The following PAF1 variants were observed in gnomAD, a reference collection of about 807,000 sequenced individuals.
The protein encoded by PAF1 is PAF1 component of Paf1/RNA polymerase II complex, also known as RNA polymerase II-associated factor 1 homolog.
Under a neutral mutation model 68.4 loss-of-function variants are expected in PAF1, and 31 were observed. The ratio of observed to expected loss-of-function variants is 0.45; its 90% CI spans 0.34 to 0.61. PAF1 has a LOEUF of 0.61. PAF1 is among the 20% of genes least tolerant of loss of function. The probability of loss-of-function intolerance (pLI) is 0.01; values close to 1 mark genes in which losing one functional copy is unlikely to be tolerated. For synonymous variants in PAF1, 256 were observed against 240.5 expected (o/e 1.06, Z -0.60); for missense variants, 435 against 692.9 (o/e 0.63, Z 4.18).
In PAF1 at chr19:39,386,045, ATCC is replaced by A. The variant is rs1405220108; in HGVS notation, c.1539_1541del (p.Glu513del). ...AATCAGAAGCTGCAGCTTCACTGCC[ATCC>A]TCCTGGGCCGAGTGCTCGCTGCCAC... On this transcript the variant is annotated inframe_deletion, in exon 14 of 14. Coordinates refer to ENST00000221265, the MANE Select transcript of PAF1 (RefSeq NM_019088.4). This position sits in a 1 kb window ranked among gnomAD's most constrained non-coding sequence, Gnocchi z 6.1. 5 of 1,613,854 alleles carry A rather than the reference ATCC, an allele frequency of 3.1e-6. No individual in the cohort carries two copies. The Admixed American group carries it at 5.0e-5, about 16-fold the overall frequency.
At position 39,389,202 on chromosome 19, in the gene PAF1, G is replaced by C. The variant is rs778114371; in HGVS notation, c.462-4C>G. Reference sequence around the variant, plus strand: ...CTGCTTCACAGAAACCCCAATCCTAGGAATGAAGAAAAAGGTCCTTAGGGG... The same window carrying C: ...CTGCTTCACAGAAACCCCAATCCTACGAATGAAGAAAAAGGTCCTTAGGGG... On this transcript the variant is annotated splice_polypyrimidine_tract_variant and splice_region_variant and intron_variant, in intron 6 of 13. Coordinates refer to ENST00000221265, the MANE Select transcript of PAF1 (RefSeq NM_019088.4). The surrounding 1 kb of genome is among the most constrained non-coding windows in gnomAD (Gnocchi z 5.3). The C allele has an allele frequency of 3.7e-6, 6 of 1,613,632 alleles. No individual in the cohort carries two copies. Among genetic ancestry groups the C allele is most frequent in the Non-Finnish European group, 4.2e-6 (5 of 1,179,622 alleles).
rs1248440849 is a variant in PAF1 at position 39,389,071 on chromosome 19, C to A, written c.567+22G>T. On this transcript the variant is annotated intron_variant, in intron 7 of 13. Transcript: ENST00000221265. This position sits in a 1 kb window ranked among gnomAD's most constrained non-coding sequence, Gnocchi z 5.3. ...CTCTGCAGCCGCACCCTTGCCTCTCCCCATCCCAGTCCCTCAATTACTGAT... is the reference window on the plus strand; with the variant it reads ...CTCTGCAGCCGCACCCTTGCCTCTCACCATCCCAGTCCCTCAATTACTGAT... The A allele has an allele frequency of 1.2e-6, 2 of 1,612,048 alleles. No homozygotes were observed. The highest frequency in any genetic ancestry group is 2.7e-5 in the African/African-American group (2 of 74,856).
At chr19:39,390,233 C>T (rs753372776) in intron 2 of PAF1, 27 bp downstream of exon 2, 2 of 1,613,844 alleles carry the variant, frequency 1.2e-6, no homozygotes, top group Admixed American at 3.3e-5. Flanking sequence ...TGCCCCACCG[C>T]TCCTGGGAAA....
chr19:39,390,404 G>T, intron 1 of PAF1, 115 bp from the exon 2 acceptor site: 1 of 986,504 alleles, frequency 1.0e-6, no homozygotes, highest in Non-Finnish European at 1.6e-6. Flanking sequence ...TGGTTTCTTT[G>T]GGTGGTGGTG....
Position 39,388,911 on chromosome 19 carries a change from A to G in PAF1, c.636+36T>C, listed in dbSNP as rs898883027. The G allele has an allele frequency of 1.9e-6, 3 of 1,609,098 alleles. No individual in the cohort carries two copies. In the African/African-American group the frequency reaches 4.0e-5, roughly 22 times the overall value. ...GGGTTAGATGGGAACAGGCACAAAT[A>G]GGCTGTCCCTTTCTACCTCCCACCT... On this transcript the variant is annotated intron_variant, in intron 8 of 13. Transcript: ENST00000221265.
At chr19:39,390,004 G>A (rs1353707818) in intron 3 of PAF1, 65 bp downstream of exon 3, 21 of 1,335,898 alleles carry the variant, frequency 1.6e-5, no homozygotes, top group East Asian at 2.3e-5. Context: ...AGCAGCCAAC[G>A]AGACAAGCAG....
At chr19:39,390,315 T>G in intron 1 of PAF1, 26 bp from the exon 2 acceptor site, 2 of 1,601,684 alleles carry the variant, frequency 1.2e-6, no homozygotes, top group Non-Finnish European at 1.7e-6. Context: ...GAAACAGTGA[T>G]AGGTGGAGAG....
Position 39,386,683 on chromosome 19 carries a change from G to T in PAF1, c.1092+11C>A. ...CTGCCATGGGTGCCCTGAGCCAGTG[G>T]TGCTTGTTACCTGAGCTTCCAGTTC... On this transcript the variant is annotated intron_variant, in intron 12 of 13. Transcript: ENST00000221265. This position sits in a 1 kb window ranked among gnomAD's most constrained non-coding sequence, Gnocchi z 6.1. The T allele has an allele frequency of 6.2e-7, 1 of 1,609,318 alleles. No homozygotes were observed. Among genetic ancestry groups the T allele is most frequent in the Non-Finnish European group, 8.5e-7 (1 of 1,175,620 alleles).
chr19:39,389,734 C>T lies in PAF1; in HGVS notation c.198G>A (p.Leu66=). The change falls in exon 4 of 14, where the codon TTG becomes TTA. Residue 66 remains leucine, a synonymous_variant. Transcript: ENST00000221265. The surrounding 1 kb of genome is among the most constrained non-coding windows in gnomAD (Gnocchi z 5.3). ...NRFVQYKATS[L]EKQHKHDLLT... ...GGAGGTCATGTTTGTGCTGTTTCTC[C>T]AAGGAAGTGGCTTTGTACTGGACGA... The T allele has an allele frequency of 6.2e-7, 1 of 1,614,140 alleles. No homozygotes were observed. The highest frequency in any genetic ancestry group is 8.5e-7 in the Non-Finnish European group (1 of 1,180,000).
chr19:39,385,992 C>T lies in PAF1; in HGVS notation c.1595G>A (p.Ter532=). ...DSSEADSDSD[*] ...AACCAGCCCTGAATGCCCTGGGACT[C>T]AGTCACTGTCACTATCAGCTTCACT... The change falls in exon 14 of 14, where the codon TGA becomes TAA. Residue 532 remains the stop codon, a stop_retained_variant. Coordinates refer to ENST00000221265, the MANE Select transcript of PAF1 (RefSeq NM_019088.4). 2 of 1,613,436 alleles carry T rather than the reference C, an allele frequency of 1.2e-6. No homozygotes were observed.
Position 39,389,802 on chromosome 19 carries a change from T to G in PAF1, c.171-41A>C. On this transcript the variant is annotated intron_variant, in intron 3 of 13. Transcript: ENST00000221265. This position sits in a 1 kb window ranked among gnomAD's most constrained non-coding sequence, Gnocchi z 5.3. ...CCTATTGTGGTGTTTGGATTCCAGC[T>G]TCACCCCTCACAGCCCTGCTTCCCA... is the stretch of plus-strand genomic sequence containing the variant. The G allele has an allele frequency of 6.2e-7, 1 of 1,613,082 alleles. No individual in the cohort carries two copies. Among genetic ancestry groups the G allele is most frequent in the Non-Finnish European group, 8.5e-7 (1 of 1,179,782 alleles).
Position 39,388,627 on chromosome 19 carries a change from C to T in PAF1, c.790G>A (p.Val264Ile). Residue 264 changes from valine to isoleucine, a missense_variant, in exon 10 of 14, where the codon GTA (valine) becomes ATA (isoleucine). By Grantham distance (29) the Val-to-Ile change is conservative. Coordinates refer to ENST00000221265, the MANE Select transcript of PAF1 (RefSeq NM_019088.4). ...GNQFVAYFLP[V>I]EETLKKRKRD... ...TTTCGTTTCTTCAACGTCTCTTCTA[C>T]AGGCAGGAAATAGGCCACAAACTGG... is the stretch of plus-strand genomic sequence containing the variant. 1.2e-6 allele frequency: 2 copies of T among 1,614,170 alleles called. No individual in the cohort carries two copies. Among genetic ancestry groups the T allele is most frequent in the Non-Finnish European group, 1.7e-6 (2 of 1,180,034 alleles).
chr19:39,386,880 G>T lies in PAF1; in HGVS notation c.987-81C>A. 1.1e-6 allele frequency: 1 copy of T among 933,566 alleles called. No individual in the cohort carries two copies. The highest frequency in any genetic ancestry group is 1.8e-6 in the Non-Finnish European group (1 of 567,876). 57.8% of individuals were successfully genotyped at this position (933,566 alleles called of 1,614,324 possible). On this transcript the variant is annotated intron_variant, in intron 11 of 13. Coordinates refer to ENST00000221265, the MANE Select transcript of PAF1 (RefSeq NM_019088.4). This position sits in a 1 kb window ranked among gnomAD's most constrained non-coding sequence, Gnocchi z 6.1. ...CCCACTTCCCCGCCCCCCAGTGAGG[G>T]GTCTGGTCTGACTTGGTTCCCCATC... is the stretch of plus-strand genomic sequence containing the variant.
Position 39,388,695 on chromosome 19 carries a change from G to A in PAF1, c.741-19C>T, listed in dbSNP as rs750307558. On this transcript the variant is annotated intron_variant, in intron 9 of 13. Transcript: ENST00000221265. ...CATGCCCCTGGTTGGGGGAAAAGGA[G>A]TAGCAATGAAGTGTGAGGACAAGAG... 8.7e-6 allele frequency: 14 copies of A among 1,611,936 alleles called. No individual in the cohort carries two copies. Among genetic ancestry groups the A allele is most frequent in the African/African-American group, 1.3e-5 (1 of 74,902 alleles).
At position 39,386,056 on chromosome 19, in the gene PAF1, C is replaced by T; in HGVS notation, c.1531G>A (p.Ala511Thr). The T allele has an allele frequency of 6.2e-7, 1 of 1,613,960 alleles. No homozygotes were observed. The highest frequency in any genetic ancestry group is 8.5e-7 in the Non-Finnish European group (1 of 1,180,036). The change falls in exon 14 of 14, where the codon GCC becomes ACC. Residue 511 changes from alanine to threonine, a missense_variant. By Grantham distance (58) the Ala-to-Thr change is moderately conservative. Coordinates refer to ENST00000221265, the MANE Select transcript of PAF1 (RefSeq NM_019088.4). This position sits in a 1 kb window ranked among gnomAD's most constrained non-coding sequence, Gnocchi z 6.1. ...SPFPSGSEHS[A>T]QEDGSEAAAS... The stretch of plus-strand genomic sequence containing the variant: ...GCAGCTTCACTGCCATCCTCCTGGG[C>T]CGAGTGCTCGCTGCCACTGGGGAAG...
Position 39,389,904 on chromosome 19 carries a change from G to T in PAF1, c.171-143C>A. On this transcript the variant is annotated intron_variant, in intron 3 of 13. Transcript: ENST00000221265. This position sits in a 1 kb window ranked among gnomAD's most constrained non-coding sequence, Gnocchi z 5.3. ...GAGTCTGAAAGCTGGCTCCCCAGTG[G>T]GAAGGGACTTGGACACTGCTTGCTC... The T allele has an allele frequency of 8.3e-7, 1 of 1,208,806 alleles. No homozygotes were observed. Among genetic ancestry groups the T allele is most frequent in the Non-Finnish European group, 1.2e-6 (1 of 823,958 alleles). The allele number at this position is 1,208,806 out of a possible 1,614,324, so 74.9% of individuals were successfully genotyped here.
Position 39,388,655 on chromosome 19 carries a change from C to G in PAF1, c.762G>C (p.Gly254=). ...AMIRGMMDEE[G]NQFVAYFLPV... ...GCAGGAAATAGGCCACAAACTGGTT[C>G]CCTTCCTCATCCATCATGCCCCTGG... The change falls in exon 10 of 14, where the codon GGG becomes GGC. Residue 254 remains glycine, a synonymous_variant. Transcript: ENST00000221265. 3 of 1,614,144 alleles carry G rather than the reference C, an allele frequency of 1.9e-6. No homozygotes were observed. Among genetic ancestry groups the G allele is most frequent in the Non-Finnish European group, 2.5e-6 (3 of 1,180,022 alleles).
Position 39,386,629 on chromosome 19 carries a change from C to A in PAF1, c.1093-57G>T. On this transcript the variant is annotated intron_variant, in intron 12 of 13. Coordinates refer to ENST00000221265, the MANE Select transcript of PAF1 (RefSeq NM_019088.4). This position sits in a 1 kb window ranked among gnomAD's most constrained non-coding sequence, Gnocchi z 6.1. ...GAGGGTGTTCTGCTGGGTTTTTGTCCCCCTCCTCACCTACAACCACCACCC... is the reference window on the plus strand; with the variant it reads ...GAGGGTGTTCTGCTGGGTTTTTGTCACCCTCCTCACCTACAACCACCACCC... 7 of 1,601,810 alleles carry A rather than the reference C, an allele frequency of 4.4e-6. No individual in the cohort carries two copies. The highest frequency in any genetic ancestry group is 5.1e-6 in the Non-Finnish European group (6 of 1,168,916).
At chr19:39,388,718 G>A in intron 9 of PAF1, 42 bp from the exon 10 acceptor site, 8 of 1,608,326 alleles carry the variant, frequency 5.0e-6, no homozygotes, top group Non-Finnish European at 6.0e-6. Context: ...GTGAGGACAA[G>A]AGGCAGCAAG....
Sources: allele counts gnomAD v4.1 joint callset, GRCh38; gene constraint gnomAD v4.1.1; non-coding constraint Gnocchi (gnomAD v3.1); transcripts MANE v1.5; gene names NCBI Gene and HGNC (gene_info 2026-07-23, HGNC 2026-07-21).